SNTG2: variants seen among roughly 807,000 people sequenced by gnomAD.
The protein encoded by SNTG2 is syntrophin gamma 2, also known as gamma-2-syntrophin.
SNTG2 carries 74 observed loss-of-function variants against 70.9 expected under a neutral mutation model. That is an observed-to-expected ratio of 1.04 (90% CI 0.86 to 1.27). The LOEUF is 1.27. SNTG2 is among the 50% of genes most tolerant of loss of function. The pLI is 0.00. For synonymous variants in SNTG2, 278 were observed against 273.8 expected (o/e 1.02, Z -0.15); for missense variants, 717 against 690.7 (o/e 1.04, Z -0.43).
At chr2:995,589 C>G (rs567750869) in intron 1 of SNTG2, among the ~76,000 whole-genome samples, 2 of 152,034 alleles carry the variant, frequency 1.3e-5, no homozygotes, top group South Asian at 4.2e-4. Context: ...AAATTATTTC[C>G]TCTTGATGTT....
At chr2:1,227,536 C>A (rs1301290289) in intron 9 of SNTG2, among the ~76,000 whole-genome samples, 4 of 152,186 alleles carry the variant, frequency 2.6e-5, no homozygotes, top group Admixed American at 6.5e-5. Context: ...TGAGCTCGTC[C>A]GCTCCGCCAC....
intron 16 of SNTG2, among the ~76,000 whole-genome samples, chr2:1,342,061 A>T (rs1660129564): frequency 6.6e-6 from 1 of 152,146 alleles, no homozygotes. Context: ...GACTTAGGTA[A>T]TTCAGACTCT....
intron 1 of SNTG2, among the ~76,000 whole-genome samples, chr2:1,083,270 G>T (rs1664459887): frequency 6.7e-6 from 1 of 149,262 alleles, no homozygotes. Flanking sequence ...ACAAACGCCT[G>T]GCTAATTTTC....
intron 6 of SNTG2, chr2:1,163,593 CAG>C (rs1424417747): frequency 6.6e-6 from 1 of 152,342 alleles, no homozygotes; most frequent in Non-Finnish European, 1.5e-5. Flanking sequence ...GCCATCAGCA[CAG>C]GGTCACCAGC....
At chr2:1,274,254 A>G (rs1255755336) in intron 14 of SNTG2, among the ~76,000 whole-genome samples, 1 of 152,254 alleles carries the variant, frequency 6.6e-6, no homozygotes, top group Non-Finnish European at 1.5e-5. Context: ...CAAGATCCAG[A>G]AACTTTCTCG....
rs1429371424 is a variant in SNTG2, at chr2:1,106,385, T to C, written c.325+7975T>C. ...TGGAGAGCTCCTTGGTAATAGTGGA[T>C]GCGTGCTGTCACTCGGGTGCAGGGT... On this transcript the variant is annotated intron_variant, in intron 4 of 16. Coordinates refer to ENST00000308624, the MANE Select transcript of SNTG2 (RefSeq NM_018968.4). 1.9e-4 allele frequency among the ~76,000 whole-genome samples: 18 copies of C among 94,952 alleles called. 2 individuals are homozygous for C. The highest frequency in any genetic ancestry group is 4.9e-4 in the African/African-American group (12 of 24,498). 62.3% of individuals were successfully genotyped at this position (94,952 alleles called of 152,430 possible).
chr2:1,095,061 G>A (rs1353396547), intron 2 of SNTG2, among the ~76,000 whole-genome samples: 1 of 152,072 alleles, frequency 6.6e-6, no homozygotes, highest in African/African-American at 2.4e-5. Flanking sequence ...GGTGGGGGTG[G>A]GGAGAGAAAG....
intron 1 of SNTG2, among the ~76,000 whole-genome samples, chr2:1,069,823 CAAAA>C (rs1304410638): frequency 6.6e-6 from 1 of 151,870 alleles, no homozygotes; most frequent in Non-Finnish European, 1.5e-5. Flanking sequence ...CAAAACAAAA[CAAAA>C]AAGCAACCCT....
intron 1 of SNTG2, among the ~76,000 whole-genome samples, chr2:1,023,719 C>T (rs1201572581): frequency 1.3e-5 from 2 of 152,160 alleles, no homozygotes; most frequent in Admixed American, 1.3e-4. Context: ...ACATCTGCAC[C>T]CCGCGTAGTC....
At chr2:1,217,137 AG>A (rs1674447652) in intron 9 of SNTG2, among the ~76,000 whole-genome samples, 2 of 152,160 alleles carry the variant, frequency 1.3e-5, no homozygotes, top group Admixed American at 6.5e-5. Context: ...TAAAAAAAAA[AG>A]ACTATAAAGA....
At chr2:1,134,634 C>T (rs1668246044) in intron 4 of SNTG2, among the ~76,000 whole-genome samples, 1 of 152,208 alleles carries the variant, frequency 6.6e-6, no homozygotes. Flanking sequence ...TCCAAGGCCC[C>T]ACCAGACTCA....
In SNTG2 at chr2:1,173,003, A is replaced by T. The variant is rs920077487; in HGVS notation, c.500-89A>T. On this transcript the variant is annotated intron_variant, in intron 7 of 16. Transcript: ENST00000308624. ...GGCATTTTGGTGCTGGTAACTTCCC[A>T]TGCACAGGTAGAACTGAAGTCACTG... is the stretch of plus-strand genomic sequence containing the variant. 1.7e-5 allele frequency: 21 copies of T among 1,214,312 alleles called. No individual in the cohort carries two copies. The East Asian group carries it at 3.7e-4, about 22-fold the overall frequency. 75.2% of individuals were successfully genotyped at this position (1,214,312 alleles called of 1,614,324 possible).
chr2:998,601 T>TA (rs1010455516), intron 1 of SNTG2, among the ~76,000 whole-genome samples: 10 of 147,876 alleles, frequency 6.8e-5, no homozygotes, highest in Non-Finnish European at 9.0e-5. Flanking sequence ...AACTCAAGCA[T>TA]AAAAAAAAAA....
At chr2:956,042 T>A in intron 1 of SNTG2, among the ~76,000 whole-genome samples, 1 of 73,348 alleles carries the variant, frequency 1.4e-5, no homozygotes, top group African/African-American at 5.8e-5. Context: ...CCCCTGCCCC[T>A]GCCCCTGCCC....
At chr2:1,075,318 G>T (rs1479934834) in intron 1 of SNTG2, among the ~76,000 whole-genome samples, 2 of 152,306 alleles carry the variant, frequency 1.3e-5, no homozygotes, top group East Asian at 1.9e-4. Context: ...ACCACACATT[G>T]CAGGGCTGAG....
chr2:1,148,996 C>T (rs1669285747), intron 6 of SNTG2, among the ~76,000 whole-genome samples: 1 of 152,140 alleles, frequency 6.6e-6, no homozygotes, highest in African/African-American at 2.4e-5. Flanking sequence ...AAATAACAAA[C>T]AGTGACTGTT....
chr2:1,331,576 G>A (rs1393944739), intron 16 of SNTG2, among the ~76,000 whole-genome samples: 1 of 152,116 alleles, frequency 6.6e-6, no homozygotes, highest in Non-Finnish European at 1.5e-5. Flanking sequence ...AAGTTTGTGG[G>A]TCTGAGAGTC....
chr2:1,029,931 A>G (rs1456515623), intron 1 of SNTG2, among the ~76,000 whole-genome samples: 3 of 152,046 alleles, frequency 2.0e-5, no homozygotes, highest in Admixed American at 1.3e-4. Flanking sequence ...TTCACATCTT[A>G]CGTTCCTGTA....
At chr2:1,328,335 G>A (rs1681844155) in intron 16 of SNTG2, among the ~76,000 whole-genome samples, 1 of 152,134 alleles carries the variant, frequency 6.6e-6, no homozygotes, top group African/African-American at 2.4e-5. Flanking sequence ...TGACATACGT[G>A]TACCTGTGTA....
Sources: gnomAD v4.1 joint callset for allele counts (sites outside exome capture counted in the v4.1 genomes callset) on GRCh38, gnomAD v4.1.1 for gene constraint, MANE v1.5 for transcripts, NCBI Gene and HGNC (gene_info 2026-07-23, HGNC 2026-07-21) for gene names.